Variants in DSTN observed in about 807,000 individuals in gnomAD.
DSTN encodes the protein destrin, actin depolymerizing factor, also known as destrin.
In DSTN, 10 loss-of-function variants were observed where a neutral mutation model predicts 16.8. That is an observed-to-expected ratio of 0.60 (90% CI 0.37 to 1.01). The LOEUF (loss-of-function observed/expected upper bound fraction) is 1.01, where lower values mean the gene tolerates loss of function less well. DSTN is among the 50% of genes least tolerant of loss of function. The probability of loss-of-function intolerance (pLI) is 0.01; values close to 1 mark genes in which losing one functional copy is unlikely to be tolerated. For synonymous variants in DSTN, 57 were observed against 58.9 expected (o/e 0.97, Z 0.14); for missense variants, 141 against 196.7 (o/e 0.72, Z 1.69).
intron 1 of DSTN, among the ~76,000 whole-genome samples, chr20:17,584,737 T>A (rs1280533363): frequency 6.6e-6 from 1 of 152,128 alleles, no homozygotes; most frequent in East Asian, 1.9e-4. Flanking sequence ...ATAGCCTCAC[T>A]TTTAGAGATA....
In DSTN at chr20:17,608,095, C is replaced by G. The variant is rs2035661179; in HGVS notation, c.*949C>G. 1 of 152,192 alleles carries G rather than the reference C, an allele frequency of 6.6e-6. No individual in the cohort carries two copies. Among genetic ancestry groups the G allele is most frequent in the Non-Finnish European group, 1.5e-5 (1 of 68,042 alleles). 9.4% of individuals were successfully genotyped at this position (152,192 alleles called of 1,614,324 possible). On this transcript the variant is annotated 3_prime_UTR_variant, in exon 4 of 4. Coordinates refer to ENST00000246069, the MANE Select transcript of DSTN (RefSeq NM_006870.4). ...TGGGGAGAGGTACCATGATGACACT[C>G]ACAGGGAGCCACTGTTCACTGACAC...
intron 1 of DSTN, among the ~76,000 whole-genome samples, chr20:17,583,731 G>GTTTTTTTTTTTTTTTTTTTT (rs74172899): frequency 3.6e-5 from 1 of 28,022 alleles, no homozygotes; most frequent in African/African-American, 8.7e-5. Context: ...TGGGTTTGGA[G>GTTTTTTTTTTTTTTTTTTTT]TTTCTTTTTT....
At chr20:17,591,498 C>T (rs1044234332) in intron 1 of DSTN, among the ~76,000 whole-genome samples, 10 of 152,244 alleles carry the variant, frequency 6.6e-5, no homozygotes, top group African/African-American at 2.4e-4. Context: ...CTTACCACTA[C>T]TGCTTCATTA....
intron 1 of DSTN, among the ~76,000 whole-genome samples, chr20:17,572,985 T>C (rs1243553591): frequency 6.6e-6 from 1 of 152,114 alleles, no homozygotes; most frequent in Non-Finnish European, 1.5e-5. Flanking sequence ...TCCTGGCTGG[T>C]TAAGGAGATG....
intron 1 of DSTN, among the ~76,000 whole-genome samples, chr20:17,575,198 T>C (rs1360572228): frequency 6.6e-6 from 1 of 152,206 alleles, no homozygotes; most frequent in Non-Finnish European, 1.5e-5. Flanking sequence ...TAACTTAGTA[T>C]ACAGGAAGAC....
chr20:17,604,460 T>G, intron 2 of DSTN, 95 bp from the exon 3 acceptor site: 1 of 1,277,060 alleles, frequency 7.8e-7, no homozygotes, highest in Non-Finnish European at 1.1e-6. Flanking sequence ...AGTCTGAGGA[T>G]TCTCAGCAAA....
intron 2 of DSTN, among the ~76,000 whole-genome samples, chr20:17,604,027 T>C (rs1475287800): frequency 6.6e-6 from 1 of 152,220 alleles, no homozygotes; most frequent in African/African-American, 2.4e-5. Context: ...TTTTGATTTA[T>C]TCTTTTTTAG....
intron 1 of DSTN, among the ~76,000 whole-genome samples, chr20:17,584,216 A>G (rs539130677): frequency 1.5e-4 from 23 of 152,216 alleles, no homozygotes; most frequent in Non-Finnish European, 3.1e-4. Context: ...AATATCATGC[A>G]TGTACATCAC....
At chr20:17,590,734 A>C (rs2035460455) in intron 1 of DSTN, among the ~76,000 whole-genome samples, 1 of 152,224 alleles carries the variant, frequency 6.6e-6, no homozygotes, top group South Asian at 2.1e-4. Context: ...AAGTAAAAAC[A>C]ATTTGATTTT....
chr20:17,573,597 A>G (rs927320540), intron 1 of DSTN, among the ~76,000 whole-genome samples: 1 of 152,168 alleles, frequency 6.6e-6, no homozygotes, highest in African/African-American at 2.4e-5. Flanking sequence ...TGGAGCATAC[A>G]TATTTTCTAC....
At chr20:17,570,320 G>A (rs982461751) in intron 1 of DSTN, 109 bp downstream of exon 1, 14 of 1,334,078 alleles carry the variant, frequency 1.0e-5, no homozygotes, top group Non-Finnish European at 1.9e-6. Flanking sequence ...AGCCCGGGGA[G>A]GGACCCGGTC....
Position 17,607,154 on chromosome 20 carries a change from A to G in DSTN, c.*8A>G. 1 of 1,606,308 alleles carries G rather than the reference A, an allele frequency of 6.2e-7. No homozygotes were observed. Among genetic ancestry groups the G allele is most frequent in the South Asian group, 1.1e-5 (1 of 89,668 alleles). ...GAAGGATGCCCTGTGTAGATTATTC[A>G]GTGCCACAAATTGAAAGCTTCCATG... On this transcript the variant is annotated 3_prime_UTR_variant, in exon 4 of 4. Transcript: ENST00000246069.
chr20:17,590,572 A>G (rs748337415), intron 1 of DSTN, among the ~76,000 whole-genome samples: 51 of 152,230 alleles, frequency 3.4e-4, no homozygotes, highest in Admixed American at 2.9e-3. Context: ...AGGTAATCAC[A>G]AAGCTCTTGT....
chr20:17,571,530 CTT>C (rs1212407812), intron 1 of DSTN, among the ~76,000 whole-genome samples: 1 of 152,112 alleles, frequency 6.6e-6, no homozygotes, highest in Non-Finnish European at 1.5e-5. Flanking sequence ...CATCTTGAGT[CTT>C]TTTAATATCT....
intron 1 of DSTN, among the ~76,000 whole-genome samples, chr20:17,577,491 T>G (rs939271043): frequency 1.3e-5 from 2 of 151,784 alleles, no homozygotes; most frequent in South Asian, 2.1e-4. Context: ...TGCTTGAACC[T>G]GGGAGGCGGA....
At chr20:17,574,855 C>CTTTTT (rs1407970323) in intron 1 of DSTN, among the ~76,000 whole-genome samples, 11 of 73,652 alleles carry the variant, frequency 1.5e-4, no homozygotes, top group African/African-American at 2.9e-4. Context: ...TTTTCTTTTT[C>CTTTTT]TTTTCTTTTC....
intron 1 of DSTN, among the ~76,000 whole-genome samples, chr20:17,578,385 C>T (rs1302244720): frequency 6.6e-6 from 1 of 152,132 alleles, no homozygotes; most frequent in Non-Finnish European, 1.5e-5. Flanking sequence ...TTCCCACATA[C>T]CTTTTTTAAT....
chr20:17,592,964 T>G (rs1307823381), intron 1 of DSTN, among the ~76,000 whole-genome samples: 3 of 152,214 alleles, frequency 2.0e-5, no homozygotes, highest in Non-Finnish European at 4.4e-5. Flanking sequence ...CTTGTTCTCT[T>G]ACGCATGGCT....
intron 1 of DSTN, among the ~76,000 whole-genome samples, chr20:17,573,574 G>A (rs1172861731): frequency 6.6e-6 from 1 of 151,990 alleles, no homozygotes; most frequent in Non-Finnish European, 1.5e-5. Flanking sequence ...ATCTAGAAGC[G>A]GAAGCCCTGG....
Sources: allele counts gnomAD v4.1 joint callset (sites outside exome capture counted in the v4.1 genomes callset), GRCh38; gene constraint gnomAD v4.1.1; transcripts MANE v1.5; gene names NCBI Gene and HGNC (gene_info 2026-07-23, HGNC 2026-07-21).